Variants in GPC5 observed in about 807,000 individuals in gnomAD.
GPC5 encodes the protein glypican 5.
Under a neutral mutation model 53.9 loss-of-function variants are expected in GPC5, and 47 were observed. The observed-to-expected ratio is 0.87, with a 90% CI of 0.69 to 1.11. GPC5 has a LOEUF of 1.11. GPC5 is among the 50% of genes most tolerant of loss of function. The pLI, the probability that GPC5 is intolerant of heterozygous loss-of-function variation, is 0.00. For synonymous variants in GPC5, 286 were observed against 263.3 expected (o/e 1.09, Z -0.84); for missense variants, 748 against 713.1 (o/e 1.05, Z -0.56).
chr13:92,076,136 C>T (rs550459165), intron 6 of GPC5, among the ~76,000 whole-genome samples: 5 of 149,894 alleles, frequency 3.3e-5, no homozygotes, highest in Non-Finnish European at 5.9e-5. Flanking sequence ...AGTGCAGTGG[C>T]GCTATCACTG....
At chr13:92,299,950 C>G (rs1303278487) in intron 7 of GPC5, among the ~76,000 whole-genome samples, 1 of 152,112 alleles carries the variant, frequency 6.6e-6, no homozygotes, top group Non-Finnish European at 1.5e-5. Flanking sequence ...TGAGGATGTT[C>G]TGTAAGGAGT....
chr13:91,992,952 T>C (rs2040470613), intron 6 of GPC5, among the ~76,000 whole-genome samples: 1 of 152,170 alleles, frequency 6.6e-6, no homozygotes, highest in African/African-American at 2.4e-5. Flanking sequence ...AAAAATAAGA[T>C]AGTTGTAACA....
chr13:92,180,849 CA>C (rs2042141743), intron 7 of GPC5: 2 of 207,606 alleles, frequency 9.6e-6, no homozygotes, highest in South Asian at 1.7e-4. Context: ...ACCTCTGCAC[CA>C]GCTGTAAAAT....
chr13:91,498,620 C>G (rs1884437904), intron 2 of GPC5, among the ~76,000 whole-genome samples: 1 of 152,020 alleles, frequency 6.6e-6, no homozygotes, highest in African/African-American at 2.4e-5. Flanking sequence ...AGTAAAATAT[C>G]CATATTTGTG....
chr13:91,614,217 G>T (rs1467074982), intron 2 of GPC5, among the ~76,000 whole-genome samples: 3 of 152,300 alleles, frequency 2.0e-5, no homozygotes, highest in Admixed American at 2.0e-4. Context: ...TGGCACTGAG[G>T]AGGTAACTCC....
At chr13:92,027,538 C>G (rs1030725524) in intron 6 of GPC5, among the ~76,000 whole-genome samples, 3 of 152,158 alleles carry the variant, frequency 2.0e-5, no homozygotes, top group African/African-American at 7.2e-5. Flanking sequence ...GGTGATTTCA[C>G]AAGCATTTTA....
intron 7 of GPC5, among the ~76,000 whole-genome samples, chr13:92,299,892 T>C (rs2043063609): frequency 6.6e-6 from 1 of 152,228 alleles, no homozygotes; most frequent in Non-Finnish European, 1.5e-5. Flanking sequence ...TTTTACAATA[T>C]GCAAATTATA....
At chr13:92,775,292 A>C (rs1875761786) in intron 7 of GPC5, among the ~76,000 whole-genome samples, 1 of 152,228 alleles carries the variant, frequency 6.6e-6, no homozygotes, top group Non-Finnish European at 1.5e-5. Context: ...CAAATAACAA[A>C]GAGGTAAATG....
chr13:92,414,815 C>T (rs2209834), intron 7 of GPC5, among the ~76,000 whole-genome samples: 6 of 151,964 alleles, frequency 3.9e-5, no homozygotes, highest in South Asian at 2.1e-4. Context: ...TCTTCTAGTT[C>T]GGTCCACCTT....
chr13:91,633,351 G>T (rs182940130), intron 2 of GPC5, among the ~76,000 whole-genome samples: 21 of 152,116 alleles, frequency 1.4e-4, no homozygotes, highest in African/African-American at 4.8e-4. Flanking sequence ...GTGTTGTTAT[G>T]GTCTTTGGTA....
chr13:91,506,421 T>C (rs1285466708), intron 2 of GPC5, among the ~76,000 whole-genome samples: 1 of 152,152 alleles, frequency 6.6e-6, no homozygotes, highest in Non-Finnish European at 1.5e-5. Context: ...CTTTCCCTGT[T>C]CTATTGCAGT....
intron 6 of GPC5, among the ~76,000 whole-genome samples, chr13:91,971,176 C>A (rs1186745360): frequency 2.6e-5 from 4 of 152,100 alleles, no homozygotes; most frequent in Admixed American, 1.3e-4. Flanking sequence ...GATTCAACTT[C>A]TTCTTGGTTT....
At chr13:91,866,707 T>C (rs372782764) in intron 5 of GPC5, among the ~76,000 whole-genome samples, 2 of 152,188 alleles carry the variant, frequency 1.3e-5, no homozygotes, top group Admixed American at 6.5e-5. Flanking sequence ...TATTCCTTTA[T>C]AGCAATGAGA....
At chr13:92,737,739 ATTTTC>A (rs1888974733) in intron 7 of GPC5, among the ~76,000 whole-genome samples, 1 of 113,700 alleles carries the variant, frequency 8.8e-6, no homozygotes, top group African/African-American at 3.2e-5. Flanking sequence ...AAAATGACAT[ATTTTC>A]TTTCTTTTTT....
intron 2 of GPC5, among the ~76,000 whole-genome samples, chr13:91,547,351 G>C (rs1373304818): frequency 6.6e-6 from 1 of 151,920 alleles, no homozygotes; most frequent in Non-Finnish European, 1.5e-5. Context: ...GACATTTAAA[G>C]GATAATAAAG....
At chr13:91,527,120 A>G (rs1031097679) in intron 2 of GPC5, among the ~76,000 whole-genome samples, 1 of 152,198 alleles carries the variant, frequency 6.6e-6, no homozygotes, top group East Asian at 1.9e-4. Context: ...TGCCTTTCCA[A>G]TAGTTCTGCA....
At chr13:91,652,696 A>G (rs1165141488) in intron 2 of GPC5, among the ~76,000 whole-genome samples, 1 of 152,208 alleles carries the variant, frequency 6.6e-6, no homozygotes, top group Non-Finnish European at 1.5e-5. Context: ...GGAATTTTCC[A>G]TTTAATTTAG....
intron 2 of GPC5, among the ~76,000 whole-genome samples, chr13:91,572,187 A>ATG (rs1331017295): frequency 6.5e-4 from 18 of 27,662 alleles, no homozygotes; most frequent in African/African-American, 9.4e-4. Flanking sequence ...ATACGTGTGT[A>ATG]TACACACACA....
At chr13:91,763,931 A>G (rs2037469448) in intron 5 of GPC5, among the ~76,000 whole-genome samples, 1 of 152,210 alleles carries the variant, frequency 6.6e-6, no homozygotes, top group African/African-American at 2.4e-5. Flanking sequence ...CCTCCTGTTT[A>G]CTTTAAATCA....
Sources: allele counts gnomAD v4.1 joint callset (sites outside exome capture counted in the v4.1 genomes callset), GRCh38; gene constraint gnomAD v4.1.1; transcripts MANE v1.5; gene names NCBI Gene and HGNC (gene_info 2026-07-23, HGNC 2026-07-21).